Variants in FCF1 observed in about 807,000 individuals in gnomAD.
FCF1 encodes the protein FCF1 rRNA-processing protein, also known as rRNA-processing protein FCF1 homolog.
A neutral mutation model predicts 32.5 loss-of-function variants in FCF1; 17 were observed. That is an observed-to-expected ratio of 0.52 (90% CI 0.36 to 0.78). FCF1 has a LOEUF of 0.78. Among genes scored for constraint, FCF1 ranks in the 30% least tolerant of loss-of-function variants. FCF1 has a pLI of 0.00. For synonymous variants in FCF1, 84 were observed against 78.4 expected (o/e 1.07, Z -0.38); for missense variants, 201 against 241.1 (o/e 0.83, Z 1.10).
At chr14:74,720,826 T>C (rs1033752302) in intron 4 of FCF1, among the ~76,000 whole-genome samples, 1 of 152,004 alleles carries the variant, frequency 6.6e-6, no homozygotes, top group African/African-American at 2.4e-5. Flanking sequence ...TTTTATTTAT[T>C]TATGTTTTGT....
rs35508938 is a variant in FCF1 at position 74,725,480 on chromosome 14, CAAAAAAAAAAAAAAA to C, written c.365+2151_365+2165del. Among the ~76,000 whole-genome samples, 26 of 40,006 alleles carry C rather than the reference CAAAAAAAAAAAAAAA, an allele frequency of 6.5e-4. No homozygotes were observed. In the South Asian group the frequency reaches 0.03, roughly 46 times the overall value. 26.2% of individuals were successfully genotyped at this position (40,006 alleles called of 152,430 possible). On this transcript the variant is annotated intron_variant, in intron 5 of 7. Transcript: ENST00000341162. The stretch of plus-strand genomic sequence containing the variant: ...GGGCTACAAAGCAAGACCCTGTCTC[CAAAAAAAAAAAAAAA>C]AAAAAAAAAAAAAACTGGGTACAGA...
At chr14:74,734,286 C>T (rs983985671) in intron 7 of FCF1, 116 bp downstream of exon 7, 12 of 616,124 alleles carry the variant, frequency 1.9e-5, no homozygotes, top group Admixed American at 1.4e-4. Flanking sequence ...CAAATGTTTA[C>T]ATAGTTATAT....
intron 4 of FCF1, among the ~76,000 whole-genome samples, chr14:74,721,125 A>G (rs989651903): frequency 2.5e-4 from 38 of 150,152 alleles, no homozygotes; most frequent in Non-Finnish European, 3.0e-5. Context: ...GCTCACTGCA[A>G]CCTCTGCCTC....
intron 4 of FCF1, among the ~76,000 whole-genome samples, chr14:74,716,527 T>A (rs2090423118): frequency 6.6e-6 from 1 of 152,216 alleles, no homozygotes; most frequent in South Asian, 2.1e-4. Context: ...AGAAGTTAGA[T>A]AGATGATGGT....
intron 5 of FCF1, among the ~76,000 whole-genome samples, chr14:74,730,879 A>G (rs2090627636): frequency 6.6e-6 from 1 of 152,068 alleles, no homozygotes; most frequent in Admixed American, 6.6e-5. Context: ...CATGCCTGTA[A>G]TCCCAGCTAC....
intron 4 of FCF1, among the ~76,000 whole-genome samples, chr14:74,721,169 T>C (rs943079033): frequency 6.6e-6 from 1 of 151,848 alleles, no homozygotes; most frequent in African/African-American, 2.4e-5. Context: ...CTCAGCCTCC[T>C]GAGTATCTGG....
intron 5 of FCF1, among the ~76,000 whole-genome samples, chr14:74,724,030 T>C (rs1339735110): frequency 6.6e-6 from 1 of 152,142 alleles, no homozygotes; most frequent in African/African-American, 2.4e-5. Context: ...GCCCATTAGA[T>C]TGGCAAAAAT....
intron 5 of FCF1, among the ~76,000 whole-genome samples, chr14:74,730,128 A>G (rs1305243662): frequency 6.6e-6 from 1 of 151,990 alleles, no homozygotes; most frequent in Non-Finnish European, 1.5e-5. Flanking sequence ...AAGCAAGAAC[A>G]TATGTGGAGT....
At chr14:74,725,086 A>G (rs1281673497) in intron 5 of FCF1, among the ~76,000 whole-genome samples, 1 of 151,714 alleles carries the variant, frequency 6.6e-6, no homozygotes, top group Non-Finnish European at 1.5e-5. Context: ...AAAAAGAAAG[A>G]AAAAGATTGC....
chr14:74,723,787 C>T (rs192241041), intron 5 of FCF1, among the ~76,000 whole-genome samples: 35 of 145,036 alleles, frequency 2.4e-4, no homozygotes, highest in African/African-American at 8.1e-4. Flanking sequence ...TACATCACGC[C>T]ATTGCACTCC....
Position 74,716,118 on chromosome 14 carries a change from T to A in FCF1, c.292+19T>A, listed in dbSNP as rs763710496. On this transcript the variant is annotated intron_variant, in intron 4 of 7. Transcript: ENST00000341162. ...GCCAAGTGTGAGTATCATACTTTTA[T>A]GTTTCCGTGACATTTGTTCAGAATA... 1.2e-6 allele frequency: 2 copies of A among 1,608,216 alleles called. No homozygotes were observed. The highest frequency in any genetic ancestry group is 2.7e-5 in the African/African-American group (2 of 74,834).
chr14:74,729,921 G>C (rs924465706), intron 5 of FCF1, among the ~76,000 whole-genome samples: 12 of 152,176 alleles, frequency 7.9e-5, no homozygotes, highest in Non-Finnish European at 1.2e-4. Flanking sequence ...TTTTGAGTGA[G>C]ATTCTTAATC....
chr14:74,726,090 G>A (rs143819303), intron 5 of FCF1, among the ~76,000 whole-genome samples: 28 of 152,096 alleles, frequency 1.8e-4, no homozygotes, highest in Non-Finnish European at 4.0e-4. Flanking sequence ...TAGATAAGCT[G>A]TGGAATGCTC....
chr14:74,713,390 G>A (rs781583288), intron 1 of FCF1, 95 bp from the exon 2 acceptor site: 29 of 1,536,986 alleles, frequency 1.9e-5, no homozygotes, highest in Non-Finnish European at 2.5e-5. Context: ...GGTTATTTGA[G>A]GCAAGAAGGG....
At chr14:74,725,040 T>C (rs1181259346) in intron 5 of FCF1, among the ~76,000 whole-genome samples, 1 of 151,138 alleles carries the variant, frequency 6.6e-6, no homozygotes, top group African/African-American at 2.4e-5. Context: ...GTACGCTAGA[T>C]AAAATCTATC....
intron 4 of FCF1, among the ~76,000 whole-genome samples, chr14:74,719,023 G>T (rs768062361): frequency 1.3e-5 from 2 of 151,086 alleles, no homozygotes; most frequent in Non-Finnish European, 2.9e-5. Flanking sequence ...CCAGTTACCT[G>T]TGAGGCTGAG....
chr14:74,713,692 T>G (rs1312409746), intron 2 of FCF1, 140 bp downstream of exon 2: 4 of 702,630 alleles, frequency 5.7e-6, no homozygotes, highest in Non-Finnish European at 2.4e-6. Flanking sequence ...TAGCCAGTGT[T>G]TAACAGTAAT....
intron 5 of FCF1, among the ~76,000 whole-genome samples, chr14:74,725,470 AC>A (rs1426785768): frequency 8.4e-6 from 1 of 118,352 alleles, no homozygotes; most frequent in Non-Finnish European, 1.7e-5. Flanking sequence ...ACAAAGCAAG[AC>A]CCTGTCTCCA....
rs1324671570 is a variant in FCF1, at chr14:74,733,977, T to G, written c.454-99T>G. 5 of 771,562 alleles carry G rather than the reference T, an allele frequency of 6.5e-6. No individual in the cohort carries two copies. In the Admixed American group the frequency reaches 9.8e-5, roughly 15 times the overall value. The allele number at this position is 771,562 out of a possible 1,614,324, so 47.8% of individuals were successfully genotyped here. ...TGCCCTTCGCTACTTACTGTGAAAA[T>G]GAACGATTCTCAGACTGGTCAGTCG... On this transcript the variant is annotated intron_variant, in intron 6 of 7. Transcript: ENST00000341162.
Sources: gnomAD v4.1 joint callset for allele counts (sites outside exome capture counted in the v4.1 genomes callset) on GRCh38, gnomAD v4.1.1 for gene constraint, MANE v1.5 for transcripts, NCBI Gene and HGNC (gene_info 2026-07-23, HGNC 2026-07-21) for gene names.